Variants in KCNB2 observed in about 807,000 individuals in gnomAD.
KCNB2 encodes the protein potassium voltage-gated channel subfamily B member 2.
A neutral mutation model predicts 61.5 loss-of-function variants in KCNB2; 15 were observed. The ratio of observed to expected loss-of-function variants is 0.24; its 90% CI spans 0.16 to 0.38. The LOEUF is 0.38. KCNB2 is among the 10% of genes least tolerant of loss of function. The pLI is 1.00. For synonymous variants in KCNB2, 457 were observed against 446.0 expected, an observed-to-expected ratio of 1.02 and a Z score of -0.31; for missense variants, 828 against 1,125.2, an observed-to-expected ratio of 0.74 and a Z score of 3.78.
At chr8:72,551,675 T>C (rs1806346564) in intron 1 of KCNB2, among the ~76,000 whole-genome samples, 1 of 152,174 alleles carries the variant, frequency 6.6e-6, no homozygotes, top group South Asian at 2.1e-4. Context: ...TGCCGTCTTC[T>C]AGCACCCTGA....
chr8:72,937,732 C>T lies in KCNB2; in HGVS notation c.2377C>T (p.Leu793=). The stretch of plus-strand genomic sequence containing the variant: ...GTCCCCCAGGTTTCCCAAGCAGAAA[C>T]TGTTCCCTTTCTCTTCAAGAGAGAG... ...GLSPRFPKQK[L]FPFSSRERRS... is the part of the protein sequence containing the mutation. Residue 793 remains leucine (L), a synonymous_variant, in exon 3 of 3, where the codon CTG becomes TTG. Coordinates refer to ENST00000523207, the MANE Select transcript of KCNB2 (RefSeq NM_004770.3). The T allele has an allele frequency of 1.2e-6, 2 of 1,614,054 alleles. No homozygotes were observed. The highest frequency in any genetic ancestry group is 2.2e-5 in the East Asian group (1 of 44,824).
intron 2 of KCNB2, among the ~76,000 whole-genome samples, chr8:72,839,509 C>T (rs2129002481): frequency 6.6e-6 from 1 of 151,048 alleles, no homozygotes; most frequent in East Asian, 2.0e-4. Context: ...ATAATTCCTA[C>T]AGGTGCTATA....
intron 2 of KCNB2, among the ~76,000 whole-genome samples, chr8:72,701,701 G>A (rs548406560): frequency 2.6e-5 from 4 of 152,236 alleles, no homozygotes; most frequent in African/African-American, 7.2e-5. Flanking sequence ...CAGAGATTCA[G>A]GTATAAGGAC....
At chr8:72,795,689 A>G (rs574644711) in intron 2 of KCNB2, among the ~76,000 whole-genome samples, 13 of 152,348 alleles carry the variant, frequency 8.5e-5, no homozygotes, top group Non-Finnish European at 1.5e-4. Context: ...AAAATGCCTC[A>G]TACATATTAG....
chr8:72,716,751 A>C (rs1178855870), intron 2 of KCNB2, among the ~76,000 whole-genome samples: 6 of 152,220 alleles, frequency 3.9e-5, no homozygotes, highest in East Asian at 1.9e-4. Flanking sequence ...GAAAACTGGC[A>C]CAAGACAGGG....
intron 2 of KCNB2, among the ~76,000 whole-genome samples, chr8:72,783,340 T>G (rs1808795212): frequency 6.6e-6 from 1 of 152,136 alleles, no homozygotes; most frequent in Non-Finnish European, 1.5e-5. Context: ...CTACAAGGTC[T>G]TGCAAGACTG....
At chr8:72,926,639 TTTC>T (rs918708446) in intron 2 of KCNB2, among the ~76,000 whole-genome samples, 72 of 152,146 alleles carry the variant, frequency 4.7e-4, no homozygotes, top group African/African-American at 1.6e-3. Context: ...GATCACTCTC[TTTC>T]TACATCTGTA....
chr8:72,601,700 TAC>T (rs1313706372), intron 2 of KCNB2, among the ~76,000 whole-genome samples: 2 of 152,198 alleles, frequency 1.3e-5, no homozygotes, highest in Non-Finnish European at 2.9e-5. Flanking sequence ...TTACTGGAAA[TAC>T]ACCTATTATC....
Position 72,756,768 on chromosome 8 carries a change from G to C in KCNB2, c.580-179167G>C, listed in dbSNP as rs140675728. ...AACAGCAGTAGTGATGAAGAGGTGG[G>C]ACAGCTTTGAGTGATCATGAAAGGT... On this transcript the variant is annotated intron_variant, in intron 2 of 2. Transcript: ENST00000523207. Among the ~76,000 whole-genome samples, 11 of 152,252 alleles carry C rather than the reference G, an allele frequency of 7.2e-5. 1 individual carries two copies. Among genetic ancestry groups the C allele is most frequent in the African/African-American group, 2.6e-4 (11 of 41,562 alleles).
At chr8:72,594,913 A>T (rs950998288) in intron 2 of KCNB2, among the ~76,000 whole-genome samples, 2 of 152,244 alleles carry the variant, frequency 1.3e-5, no homozygotes, top group Non-Finnish European at 2.9e-5. Flanking sequence ...CACATTAGCC[A>T]AAGGTGATGG....
intron 2 of KCNB2, among the ~76,000 whole-genome samples, chr8:72,760,662 C>T (rs1032940481): frequency 1.3e-5 from 2 of 152,162 alleles, no homozygotes; most frequent in Admixed American, 6.5e-5. Context: ...AGATCAGTAA[C>T]TCACAGTATA....
intron 2 of KCNB2, among the ~76,000 whole-genome samples, chr8:72,840,925 A>G (rs1201379575): frequency 6.6e-6 from 1 of 152,056 alleles, no homozygotes; most frequent in East Asian, 1.9e-4. Flanking sequence ...CCATTTGTCA[A>G]TTTTGGCTTG....
intron 2 of KCNB2, among the ~76,000 whole-genome samples, chr8:72,830,227 CA>C (rs543474001): frequency 0.23 from 19,201 of 82,858 alleles, 394 homozygotes; most frequent in East Asian, 0.44. Flanking sequence ...TCATATTTTC[CA>C]AAAAAAAAAA....
chr8:72,834,254 CT>C (rs1809742939), intron 2 of KCNB2, among the ~76,000 whole-genome samples: 1 of 152,144 alleles, frequency 6.6e-6, no homozygotes, highest in East Asian at 1.9e-4. Flanking sequence ...TCTCATTATA[CT>C]AATAAGGAAA....
At chr8:72,583,295 G>A (rs1022379505) in intron 2 of KCNB2, among the ~76,000 whole-genome samples, 12 of 152,202 alleles carry the variant, frequency 7.9e-5, no homozygotes, top group African/African-American at 2.9e-4. Context: ...TGTTTGAAGA[G>A]TTATTTTGTG....
chr8:72,577,108 A>G (rs898750439), intron 2 of KCNB2, among the ~76,000 whole-genome samples: 3 of 152,174 alleles, frequency 2.0e-5, no homozygotes, highest in Non-Finnish European at 4.4e-5. Flanking sequence ...TTCCACTTAA[A>G]TCATCTCCTT....
rs1806644006 is a variant in KCNB2 at position 72,567,664 on chromosome 8, C to T, written c.-71C>T. 9.8e-6 allele frequency: 10 copies of T among 1,017,448 alleles called. No individual in the cohort carries two copies. The highest frequency in any genetic ancestry group is 1.8e-5 in the South Asian group (1 of 56,906). 63.0% of individuals were successfully genotyped at this position (1,017,448 alleles called of 1,614,324 possible). A position where few individuals can be genotyped will look rare whatever the true frequency, so the allele number is the denominator to read the frequency against. ...CAGCTTTGTCAGTGGAAATGCCTGCCCCAGAGGGATATTGCTTCAGTTGAC... is the reference window on the plus strand; with the variant it reads ...CAGCTTTGTCAGTGGAAATGCCTGCTCCAGAGGGATATTGCTTCAGTTGAC... On this transcript the variant is annotated 5_prime_UTR_variant, in exon 2 of 3. Transcript: ENST00000523207.
chr8:72,815,435 C>T (rs369566823), intron 2 of KCNB2, among the ~76,000 whole-genome samples: 87 of 152,224 alleles, frequency 5.7e-4, no homozygotes, highest in African/African-American at 1.9e-3. Context: ...TGTAGTAGCA[C>T]TTATCAGTGT....
rs563604193 is a variant in KCNB2, at chr8:72,537,239, G to A, written c.-740G>A. Among the ~76,000 whole-genome samples, 1 of 151,254 alleles carries A rather than the reference G, an allele frequency of 6.6e-6. No individual in the cohort carries two copies. Among genetic ancestry groups the A allele is most frequent in the South Asian group, 2.1e-4 (1 of 4,832 alleles). On this transcript the variant is annotated 5_prime_UTR_variant, in exon 1 of 3. Transcript: ENST00000523207. The stretch of plus-strand genomic sequence containing the variant: ...CTGGGGTGGCCGCAGCCCTGTGTGC[G>A]CGCCGGGCCGGCTAGCTGCGGGGCG...
Sources: gnomAD v4.1 joint callset for allele counts (sites outside exome capture counted in the v4.1 genomes callset) on GRCh38, gnomAD v4.1.1 for gene constraint, MANE v1.5 for transcripts, NCBI Gene and HGNC (gene_info 2026-07-23, HGNC 2026-07-21) for gene names.